Variants in SLC35A5 observed in about 807,000 individuals in gnomAD.
SLC35A5 encodes the protein UDP-sugar transporter protein SLC35A5.
Under a neutral mutation model 36.3 loss-of-function variants are expected in SLC35A5, and 28 were observed. The ratio of observed to expected loss-of-function variants is 0.77; its 90% confidence interval spans 0.57 to 1.06. The LOEUF is 1.06. SLC35A5 is among the 50% of genes least tolerant of loss of function. The probability of loss-of-function intolerance (pLI) is 0.00; values close to 1 mark genes in which losing one functional copy is unlikely to be tolerated. For missense variants in SLC35A5, 521 were observed against 499.3 expected (o/e 1.04, Z -0.41); for synonymous variants, 180 against 173.7 (o/e 1.04, Z -0.29).
At chr3:112,566,007 T>C (rs1243914532) in intron 2 of SLC35A5, among the ~76,000 whole-genome samples, 1 of 152,172 alleles carries the variant, frequency 6.6e-6, no homozygotes, top group Non-Finnish European at 1.5e-5. Context: ...GGAAGCTCAA[T>C]AGCCAGTTAA....
chr3:112,580,874 A>G lies in SLC35A5; in HGVS notation c.757A>G (p.Ile253Val). Reference protein sequence around the residue: ...SSMANIYNEKILKEGNQLTES... With the variant: ...SSMANIYNEKVLKEGNQLTES... Reference sequence around the variant, plus strand: ...AATGGCTAATATCTATAATGAAAAGATACTGAAGGAAGGGAACCAGCTCAC... The same window carrying G: ...AATGGCTAATATCTATAATGAAAAGGTACTGAAGGAAGGGAACCAGCTCAC... Residue 253 changes from isoleucine (I) to valine (V), a missense_variant, in exon 6 of 7, where the codon ATA (isoleucine) becomes GTA (valine). Coordinates refer to ENST00000492406, the MANE Select transcript of SLC35A5 (RefSeq NM_017945.5). The G allele has an allele frequency of 6.2e-7, 1 of 1,614,184 alleles. No individual in the cohort carries two copies.
upstream of SLC35A5, chr3:112,561,585 G>A: frequency 1.3e-6 from 2 of 1,551,142 alleles, no homozygotes; most frequent in Non-Finnish European, 1.8e-6. Context: ...AGCCGTGTCA[G>A]GGGCCAGGGA....
At chr3:112,572,007 A>G (rs976481618) in intron 4 of SLC35A5, among the ~76,000 whole-genome samples, 2 of 134,812 alleles carry the variant, frequency 1.5e-5, no homozygotes, top group African/African-American at 5.8e-5. Context: ...CAGTGGCGCA[A>G]TCTCGGCTCA....
chr3:112,571,183 A>C (rs2952319), intron 4 of SLC35A5, among the ~76,000 whole-genome samples: 24,399 of 152,180 alleles, frequency 0.16, 4,610 homozygotes, highest in African/African-American at 0.45. Flanking sequence ...ATGTCCTCCC[A>C]ACTAGAAATG....
chr3:112,576,163 C>T (rs1934664980), intron 5 of SLC35A5, among the ~76,000 whole-genome samples: 3 of 149,516 alleles, frequency 2.0e-5, no homozygotes, highest in Admixed American at 6.7e-5. Context: ...GAGTCTTGCT[C>T]TGTCGCCAGG....
chr3:112,580,381 A>G (rs1934852774), intron 5 of SLC35A5, among the ~76,000 whole-genome samples, 165 bp from the exon 6 acceptor site: 1 of 152,188 alleles, frequency 6.6e-6, no homozygotes, highest in Non-Finnish European at 1.5e-5. Context: ...ATTAAATTTG[A>G]GAGACAGGCA....
At chr3:112,568,214 T>A (rs1020068877) in intron 2 of SLC35A5, among the ~76,000 whole-genome samples, 1 of 152,186 alleles carries the variant, frequency 6.6e-6, no homozygotes, top group Non-Finnish European at 1.5e-5. Flanking sequence ...CTGATTAGTT[T>A]GAGAAGGTCA....
In SLC35A5 at chr3:112,563,516, A is replaced by G. The variant is rs765199251; in HGVS notation, c.113A>G (p.Lys38Arg). 1 of 1,604,028 alleles carries G rather than the reference A, an allele frequency of 6.2e-7. No homozygotes were observed. The change falls in exon 2 of 7, where the codon AAG becomes AGG. Residue 38 changes from lysine (K) to arginine (R), a missense_variant. Coordinates refer to ENST00000492406, the MANE Select transcript of SLC35A5 (RefSeq NM_017945.5). ...ALSSSRILLV[K>R]YSANEENKYD... ...AGCTCAAGTCGCATCTTACTAGTGA[A>G]GTATTCTGCCAATGAAGGTAAGTTA...
At chr3:112,574,166 CTTGAGCATCTTAAAAATAAGATAA>C (rs1478432087) in intron 5 of SLC35A5, among the ~76,000 whole-genome samples, 6 of 152,172 alleles carry the variant, frequency 3.9e-5, no homozygotes, top group Non-Finnish European at 7.3e-5. Flanking sequence ...ATGAAAATGT[CTTGAGCATCTTAAAAATAAGATAA>C]TTGACTGTGT....
chr3:112,569,084 T>C, intron 2 of SLC35A5, 87 bp from the exon 3 acceptor site: 1 of 1,094,858 alleles, frequency 9.1e-7, no homozygotes, highest in Admixed American at 2.5e-5. Flanking sequence ...AATCCAGCTT[T>C]TAAATTTTAA....
intron 5 of SLC35A5, among the ~76,000 whole-genome samples, chr3:112,575,651 A>G (rs1336381650): frequency 6.6e-6 from 1 of 152,056 alleles, no homozygotes; most frequent in East Asian, 1.9e-4. Context: ...ATTCTTAGAC[A>G]TATATTTGCT....
Position 112,563,463 on chromosome 3 carries a change from C to G in SLC35A5, c.60C>G (p.Phe20Leu), listed in dbSNP as rs763766778. 6.2e-7 allele frequency: 1 copy of G among 1,608,192 alleles called. No individual in the cohort carries two copies. The highest frequency in any genetic ancestry group is 1.1e-5 in the South Asian group (1 of 90,638). Residue 20 changes from phenylalanine to leucine, a missense_variant, in exon 2 of 7, where the codon TTC (phenylalanine) becomes TTG (leucine). Physicochemically the swap from Phe to Leu is conservative, Grantham distance 22. Transcript: ENST00000492406. ...VICSLSTMYT[F>L]LLGAIFIALS... ...GCTCCTTGTCAACAATGTATACATT[C>G]CTGCTAGGTGCCATATTCATTGCTT...
intron 5 of SLC35A5, among the ~76,000 whole-genome samples, chr3:112,579,113 G>A (rs573430851): frequency 1.3e-5 from 2 of 152,248 alleles, no homozygotes; most frequent in Admixed American, 6.5e-5. Flanking sequence ...CAGTTTCAGA[G>A]CATGAAGCTT....
chr3:112,584,962 T>C lies in SLC35A5; in HGVS notation c.*2226T>C, dbSNP rs1333334825. On this transcript the variant is annotated 3_prime_UTR_variant, in exon 7 of 7. Coordinates refer to ENST00000492406, the MANE Select transcript of SLC35A5 (RefSeq NM_017945.5). ...ACAGAAAATCAAATACCACATGTTC[T>C]CACTTATAAGTGGGAGCTAAACAGT... is the stretch of plus-strand genomic sequence containing the variant. 6.6e-6 allele frequency: 1 copy of C among 152,186 alleles called. No individual in the cohort carries two copies. Among genetic ancestry groups the C allele is most frequent in the Admixed American group, 6.5e-5 (1 of 15,270 alleles). 9.4% of individuals were successfully genotyped at this position (152,186 alleles called of 1,614,324 possible).
chr3:112,567,344 A>G (rs1934242742), intron 2 of SLC35A5, among the ~76,000 whole-genome samples: 1 of 151,656 alleles, frequency 6.6e-6, no homozygotes, highest in Non-Finnish European at 1.5e-5. Context: ...CTCTGTCTGG[A>G]GTGCACTGGC....
In SLC35A5 at chr3:112,567,981, A is replaced by G. The variant is rs1004363851; in HGVS notation, c.131-1190A>G. 7.2e-5 allele frequency among the ~76,000 whole-genome samples: 11 copies of G among 152,354 alleles called. No individual in the cohort carries two copies. The South Asian group carries it at 1.2e-3, about 17-fold the overall frequency. On this transcript the variant is annotated intron_variant, in intron 2 of 6. Coordinates refer to ENST00000492406, the MANE Select transcript of SLC35A5 (RefSeq NM_017945.5). ...CTGAGAAAAAGGAGATGTTTTGACT[A>G]TGCTTTGAATGATGGGGTAAAGTTG...
At chr3:112,579,034 C>G (rs1279084995) in intron 5 of SLC35A5, among the ~76,000 whole-genome samples, 3 of 152,178 alleles carry the variant, frequency 2.0e-5, no homozygotes, top group Admixed American at 2.0e-4. Context: ...TTGAAAATTA[C>G]ATACATATGA....
At chr3:112,580,472 G>A in intron 5 of SLC35A5, 74 bp from the exon 6 acceptor site, 1 of 1,455,756 alleles carries the variant, frequency 6.9e-7, no homozygotes, top group South Asian at 1.4e-5. Flanking sequence ...ATACTCAAGT[G>A]TCTGAGTTTT....
At chr3:112,570,728 A>AT in intron 4 of SLC35A5, 58 bp downstream of exon 4, 2 of 1,447,990 alleles carry the variant, frequency 1.4e-6, no homozygotes, top group East Asian at 2.6e-5. Context: ...TAAATCCCAG[A>AT]ATTTTTTTTT....
Sources: allele counts gnomAD v4.1 joint callset (sites outside exome capture counted in the v4.1 genomes callset), GRCh38; gene constraint gnomAD v4.1.1; transcripts MANE v1.5; gene names NCBI Gene and HGNC (gene_info 2026-07-23, HGNC 2026-07-21).